GPC3: variants seen among roughly 807,000 people sequenced by gnomAD.
The protein encoded by GPC3 is glypican-3.
GPC3 carries 3 observed loss-of-function variants against 34.4 expected under a neutral mutation model. The observed-to-expected ratio is 0.09, with a 90% confidence interval of 0.04 to 0.23. The LOEUF (loss-of-function observed/expected upper bound fraction) is 0.23, where lower values mean the gene tolerates loss of function less well. Ranked by LOEUF, GPC3 falls within the 10% of genes least tolerant of loss-of-function variation. The pLI is 1.00. For missense variants in GPC3, 351 were observed against 445.6 expected (o/e 0.79, Z 1.91); for synonymous variants, 177 against 174.0 (o/e 1.02, Z -0.13).
chrX:133,681,807 G>T (rs900850689), intron 5 of GPC3, among the ~76,000 whole-genome samples: 1 of 112,230 alleles, frequency 8.9e-6, no homozygotes, highest in Admixed American at 9.5e-5. Flanking sequence ...CTATCAGAAA[G>T]AAACTTCCTG....
intron 2 of GPC3, among the ~76,000 whole-genome samples, chrX:133,814,657 T>C (rs753405286): frequency 9.0e-6 from 1 of 110,807 alleles, no homozygotes; most frequent in African/African-American, 3.3e-5. Context: ...AACCTCCGCC[T>C]CCCAGGACCA....
Position 133,692,473 on chromosome X carries a change from C to T in GPC3, c.1188G>A (p.Lys396=). ...AAGCACTATAGAAGCTGATGAAAGA[C>T]TTCAACTTCTGAATTAGTTCCCTAA... ...SRRRELIQKL[K]SFISFYSALP... is the part of the protein sequence containing the mutation. Residue 396 remains lysine, a synonymous_variant, in exon 5 of 8, where the codon AAG becomes AAA. Coordinates refer to ENST00000370818, the MANE Select transcript of GPC3 (RefSeq NM_004484.4). 8.3e-7 allele frequency: 1 copy of T among 1,206,179 alleles called. No individual in the cohort carries two copies. The highest frequency in any genetic ancestry group is 1.1e-6 in the Non-Finnish European group (1 of 890,167).
intron 2 of GPC3, among the ~76,000 whole-genome samples, chrX:133,863,227 T>C (rs2075946848): frequency 8.9e-6 from 1 of 112,245 alleles, no homozygotes; most frequent in Non-Finnish European, 1.9e-5. Context: ...GTCAATAGAA[T>C]AGCCATAAAT....
At chrX:133,784,746 A>T (rs1372203631) in intron 2 of GPC3, among the ~76,000 whole-genome samples, 2 of 112,385 alleles carry the variant, frequency 1.8e-5, no homozygotes, top group Non-Finnish European at 3.8e-5. Context: ...ACTCCTTCAA[A>T]GTGTACAATT....
chrX:133,704,387 T>A, intron 3 of GPC3: 1 of 338,373 alleles, frequency 3.0e-6, no homozygotes, highest in Admixed American at 5.3e-5. Flanking sequence ...AAAAGACAGA[T>A]TAAAAAGAGA....
intron 5 of GPC3, among the ~76,000 whole-genome samples, chrX:133,685,568 G>GTA (rs750141595): frequency 4.8e-4 from 52 of 107,275 alleles, no homozygotes; most frequent in South Asian, 1.6e-3. Flanking sequence ...GTGTGTGTGT[G>GTA]TATATATATA....
At chrX:133,661,574 C>T (rs59135517) in intron 6 of GPC3, among the ~76,000 whole-genome samples, 156 bp downstream of exon 6, 1,223 of 7,655 alleles carry the variant, frequency 0.16, 10 homozygotes, top group African/African-American at 0.32. Context: ...CTCTTTCTCT[C>T]TCTCTCTCTC....
chrX:133,628,432 G>T (rs1043633321), intron 6 of GPC3, among the ~76,000 whole-genome samples: 2 of 111,614 alleles, frequency 1.8e-5, no homozygotes, highest in Non-Finnish European at 1.9e-5. Context: ...GAGGCGGGCA[G>T]ATCACCTGAG....
intron 3 of GPC3, among the ~76,000 whole-genome samples, chrX:133,719,511 C>T (rs1222528717): frequency 9.0e-6 from 1 of 111,244 alleles, no homozygotes; most frequent in Admixed American, 9.6e-5. Context: ...AGTGTCTGTT[C>T]ATGTCCTTCA....
chrX:133,963,743 T>C (rs371446023), intron 1 of GPC3, among the ~76,000 whole-genome samples: 4 of 112,221 alleles, frequency 3.6e-5, no homozygotes, highest in Non-Finnish European at 7.5e-5. Flanking sequence ...TATTAAGTTA[T>C]AGGTTTCTGT....
At chrX:133,890,086 G>A (rs771738839) in intron 2 of GPC3, among the ~76,000 whole-genome samples, 2 of 110,181 alleles carry the variant, frequency 1.8e-5, no homozygotes, top group Non-Finnish European at 3.8e-5. Context: ...TTCTTTTGAT[G>A]TATATAAATA....
intron 1 of GPC3, among the ~76,000 whole-genome samples, chrX:133,966,619 T>C (rs1237123367): frequency 1.8e-5 from 2 of 112,575 alleles, no homozygotes; most frequent in Non-Finnish European, 3.8e-5. Context: ...TCAGTTGCCT[T>C]GTTAGTACAA....
At chrX:133,589,954 C>T (rs2069830931) in intron 7 of GPC3, among the ~76,000 whole-genome samples, 1 of 110,894 alleles carries the variant, frequency 9.0e-6, no homozygotes, top group South Asian at 3.8e-4. Flanking sequence ...AACTTAATGC[C>T]CCCGGCAATG....
intron 6 of GPC3, among the ~76,000 whole-genome samples, chrX:133,619,212 A>G (rs1038696989): frequency 2.7e-5 from 3 of 112,689 alleles, no homozygotes; most frequent in Non-Finnish European, 5.6e-5. Flanking sequence ...TGGAGAAAAC[A>G]GAATCCTCAT....
chrX:133,947,591 ACT>A (rs2076374540), intron 2 of GPC3, among the ~76,000 whole-genome samples: 1 of 111,945 alleles, frequency 8.9e-6, no homozygotes, highest in African/African-American at 3.3e-5. Context: ...GGCTTTAAAC[ACT>A]CAGTTTCCAG....
intron 2 of GPC3, among the ~76,000 whole-genome samples, chrX:133,792,526 C>G (rs1167108284): frequency 9.0e-6 from 1 of 111,149 alleles, no homozygotes; most frequent in Non-Finnish European, 1.9e-5. Flanking sequence ...CAGGCACCTC[C>G]CAAGTACCAG....
intron 2 of GPC3, among the ~76,000 whole-genome samples, chrX:133,944,384 G>C (rs1569457672): frequency 8.9e-6 from 1 of 112,157 alleles, no homozygotes; most frequent in East Asian, 2.8e-4. Flanking sequence ...GACCAAAGGA[G>C]AGGAGTGTCA....
chrX:133,932,654 G>A (rs2076303317), intron 2 of GPC3, among the ~76,000 whole-genome samples: 1 of 111,828 alleles, frequency 8.9e-6, no homozygotes, highest in African/African-American at 3.3e-5. Flanking sequence ...AGAGTGGAAT[G>A]GAGTTTTAGA....
At chrX:133,784,918 T>TTCTC (rs1254658305) in intron 2 of GPC3, among the ~76,000 whole-genome samples, 1 of 112,028 alleles carries the variant, frequency 8.9e-6, no homozygotes, top group Non-Finnish European at 1.9e-5. Context: ...TCTACTTTCT[T>TTCTC]TCTCTATGGA....
Sources: gnomAD v4.1 joint callset for allele counts (sites outside exome capture counted in the v4.1 genomes callset) on GRCh38, gnomAD v4.1.1 for gene constraint, MANE v1.5 for transcripts, NCBI Gene and HGNC (gene_info 2026-07-23, HGNC 2026-07-21) for gene names.